ABI2: variants seen among roughly 807,000 people sequenced by gnomAD.
The protein encoded by ABI2 is abelson interactor 2.
Under a neutral mutation model 59.2 loss-of-function variants are expected in ABI2, and 25 were observed. That is an observed-to-expected ratio of 0.42 (90% CI 0.31 to 0.59). The LOEUF is 0.59. ABI2 is among the 20% of genes least tolerant of loss of function. ABI2 has a pLI of 0.14. For synonymous variants in ABI2, 213 were observed against 235.5 expected, an observed-to-expected ratio of 0.90 and a Z score of 0.87; for missense variants, 545 against 681.8, an observed-to-expected ratio of 0.80 and a Z score of 2.23.
chr2:203,414,481 T>TA (rs1330117085), intron 10 of ABI2, among the ~76,000 whole-genome samples: 1 of 152,194 alleles, frequency 6.6e-6, no homozygotes, highest in Non-Finnish European at 1.5e-5. Flanking sequence ...CATTAACTCT[T>TA]ACTCTTCCTT....
Position 203,395,692 on chromosome 2 carries a change from T to C in ABI2, c.762T>C (p.Ser254=). The C allele has an allele frequency of 6.2e-7, 1 of 1,612,574 alleles. No individual in the cohort carries two copies. Among genetic ancestry groups the C allele is most frequent in the Non-Finnish European group, 8.5e-7 (1 of 1,179,384 alleles). ...SGSSGGSHPS[S]RSSSRENSGS... ...GTAGTGGAGGGAGCCACCCAAGTAGTCGGAGCAGCAGTCGAGAGAACAGTG... is the reference window on the plus strand; with the variant it reads ...GTAGTGGAGGGAGCCACCCAAGTAGCCGGAGCAGCAGTCGAGAGAACAGTG... The change falls in exon 7 of 12, where the codon AGT becomes AGC. Residue 254 remains serine, a synonymous_variant. Coordinates refer to ENST00000261018, the MANE Select transcript of ABI2 (RefSeq NM_001375670.1).
At position 203,357,896 on chromosome 2, in the gene ABI2, G is replaced by A. The variant is rs2092560511; in HGVS notation, c.118-8981G>A. Among the ~76,000 whole-genome samples, 3 of 152,006 alleles carry A rather than the reference G, an allele frequency of 2.0e-5. No individual in the cohort carries two copies. The South Asian group carries it at 6.2e-4, about 32-fold the overall frequency. ...CGATTCTCCTGCCTCAGCCTCCCAA[G>A]TAGCTGGGACTACAGGTGTGGACCA... On this transcript the variant is annotated intron_variant, in intron 1 of 11. Transcript: ENST00000261018.
rs374502666 is a variant in ABI2, at chr2:203,402,652, C to A, written c.1110C>A (p.Pro370=). ...HTPPTIGGSL[P]YRRPPSITSQ... is the part of the protein sequence containing the mutation. ...CCCCAACAATAGGGGGCTCGTTGCC[C>A]TATAGACGCCCTCCTTCCATTACTT... Residue 370 remains proline, a synonymous_variant, in exon 9 of 12, where the codon CCC becomes CCA. Coordinates refer to ENST00000261018, the MANE Select transcript of ABI2 (RefSeq NM_001375670.1). 3 of 1,607,366 alleles carry A rather than the reference C, an allele frequency of 1.9e-6. No individual in the cohort carries two copies. Among genetic ancestry groups the A allele is most frequent in the African/African-American group, 2.7e-5 (2 of 74,590 alleles).
chr2:203,360,814 T>C (rs531288168), intron 1 of ABI2, among the ~76,000 whole-genome samples: 9 of 152,326 alleles, frequency 5.9e-5, no homozygotes, highest in Admixed American at 5.2e-4. Context: ...CTTCTGAGTT[T>C]AGAACATTGA....
intron 4 of ABI2, among the ~76,000 whole-genome samples, chr2:203,384,443 A>G (rs1260340255): frequency 1.3e-5 from 2 of 151,626 alleles, no homozygotes; most frequent in Admixed American, 1.3e-4. Flanking sequence ...AGTAGTTGGT[A>G]CTACATGTGT....
intron 1 of ABI2, among the ~76,000 whole-genome samples, chr2:203,331,260 G>T (rs1350998093): frequency 6.6e-6 from 1 of 150,948 alleles, no homozygotes; most frequent in Non-Finnish European, 1.5e-5. Context: ...TGTACATTTG[G>T]TTGACCAGCA....
intron 9 of ABI2, among the ~76,000 whole-genome samples, chr2:203,408,299 G>T (rs1192069735): frequency 6.6e-6 from 1 of 151,558 alleles, no homozygotes; most frequent in African/African-American, 2.4e-5. Context: ...AGTAGCTGGG[G>T]TTACAGGCAC....
At chr2:203,425,097 T>C (rs2098386726) in intron 11 of ABI2, among the ~76,000 whole-genome samples, 1 of 151,628 alleles carries the variant, frequency 6.6e-6, no homozygotes. Context: ...GGCTGGCAAT[T>C]TCTACATTTT....
At chr2:203,360,452 TGAAGG>T (rs984240343) in intron 1 of ABI2, among the ~76,000 whole-genome samples, 26 of 151,904 alleles carry the variant, frequency 1.7e-4, no homozygotes, top group African/African-American at 6.0e-4. Context: ...TGGGATATGA[TGAAGG>T]GAAACAAATT....
chr2:203,406,286 G>C (rs762334019), intron 9 of ABI2, among the ~76,000 whole-genome samples: 2 of 152,196 alleles, frequency 1.3e-5, no homozygotes, highest in Non-Finnish European at 2.9e-5. Context: ...TAGCATGTAA[G>C]TATTGAAGAC....
intron 2 of ABI2, among the ~76,000 whole-genome samples, chr2:203,368,405 T>G (rs2094704158): frequency 6.6e-6 from 1 of 152,152 alleles, no homozygotes; most frequent in South Asian, 2.1e-4. Context: ...TATTTTGGAA[T>G]GAAAATAATT....
In ABI2 at chr2:203,328,532, G is replaced by A; in HGVS notation, c.18G>A (p.Met6Ile). 1 of 1,605,334 alleles carries A rather than the reference G, an allele frequency of 6.2e-7. No individual in the cohort carries two copies. Among genetic ancestry groups the A allele is most frequent in the Non-Finnish European group, 8.5e-7 (1 of 1,176,336 alleles). MAELQMLLEEEIPGGR... is the reference protein window; with the variant it reads MAELQILLEEEIPGGR... ...ATGTGAAGATGGCGGAGCTGCAGAT[G>A]CTGCTGGAAGAGGAAATCCCGGGGG... The change falls in exon 1 of 12, where the codon ATG becomes ATA. Residue 6 changes from methionine to isoleucine, a missense_variant. By Grantham distance (10) the Met-to-Ile change is conservative (BLOSUM62 1). This residue lies in a region of ABI2 where 55 missense variants were observed against 59.7 expected (regional missense o/e 0.92). Coordinates refer to ENST00000261018, the MANE Select transcript of ABI2 (RefSeq NM_001375670.1).
intron 4 of ABI2, among the ~76,000 whole-genome samples, chr2:203,384,697 A>G (rs1478198530): frequency 6.6e-6 from 1 of 152,130 alleles, no homozygotes; most frequent in African/African-American, 2.4e-5. Flanking sequence ...TGTTGAATGC[A>G]TTAAAATTGT....
chr2:203,380,182 GTTGT>G (rs1338949004), intron 2 of ABI2, 22 bp from the exon 3 acceptor site: 3 of 1,445,746 alleles, frequency 2.1e-6, no homozygotes, highest in Non-Finnish European at 2.8e-6. Flanking sequence ...ACATTTTTGT[GTTGT>G]TTTTTACATT....
rs1334033901 is a variant in ABI2 at position 203,428,102 on chromosome 2, C to T, written c.*750C>T. On this transcript the variant is annotated 3_prime_UTR_variant, in exon 12 of 12. Transcript: ENST00000261018. ...CATTGTTGCTAATGGCCAGTGTACC[C>T]AGATGTGAAGTGTGGTAGGCTGGTT... 1 of 152,194 alleles carries T rather than the reference C, an allele frequency of 6.6e-6. No individual in the cohort carries two copies. Among genetic ancestry groups the T allele is most frequent in the African/African-American group, 2.4e-5 (1 of 41,426 alleles). 9.4% of individuals were successfully genotyped at this position (152,194 alleles called of 1,614,324 possible). A position where few individuals can be genotyped will look rare whatever the true frequency, so the allele number is the denominator to read the frequency against.
chr2:203,364,216 C>CA (rs770587801), intron 1 of ABI2, among the ~76,000 whole-genome samples: 16 of 151,622 alleles, frequency 1.1e-4, no homozygotes, highest in Non-Finnish European at 1.8e-4. Flanking sequence ...GCCTCAGGCT[C>CA]CTGAGTAGCT....
At chr2:203,357,713 A>G (rs1195398947) in intron 1 of ABI2, among the ~76,000 whole-genome samples, 1 of 152,174 alleles carries the variant, frequency 6.6e-6, no homozygotes, top group Non-Finnish European at 1.5e-5. Flanking sequence ...GAATTTTAGG[A>G]TTCTTTGGTC....
In ABI2 at chr2:203,376,733, C is replaced by CTTT. The variant is rs370295013; in HGVS notation, c.286-3458_286-3456dup. Reference sequence around the variant, plus strand: ...TTTCTATTTACTGTATTGGTCTTCCCTTTTTTTTTTTTTTTTTTTACTGTT... The same window carrying CTTT: ...TTTCTATTTACTGTATTGGTCTTCCCTTTTTTTTTTTTTTTTTTTTTTACTGTT... On this transcript the variant is annotated intron_variant, in intron 2 of 11. Transcript: ENST00000261018. Among the ~76,000 whole-genome samples the CTTT allele has an allele frequency of 4.9e-3, 567 of 114,856 alleles. 12 individuals are homozygous for CTTT. The highest frequency in any genetic ancestry group is 0.037 in the South Asian group (111 of 3,018). 75.3% of individuals were successfully genotyped at this position (114,856 alleles called of 152,430 possible). A position where few individuals can be genotyped will look rare whatever the true frequency, so the allele number is the denominator to read the frequency against.
intron 11 of ABI2, among the ~76,000 whole-genome samples, chr2:203,419,106 CTTTTTT>C (rs748788810): frequency 7.9e-6 from 1 of 126,306 alleles, no homozygotes; most frequent in South Asian, 2.6e-4. Flanking sequence ...AATTAAAGAT[CTTTTTT>C]TTTTTTTTTT....
Sources: gnomAD v4.1 joint callset for allele counts (sites outside exome capture counted in the v4.1 genomes callset) on GRCh38, gnomAD v4.1.1 for gene constraint, gnomAD v4.1.1 regional missense constraint, MANE v1.5 for transcripts, NCBI Gene and HGNC (gene_info 2026-07-23, HGNC 2026-07-21) for gene names.